SNCAIP: variants seen among roughly 807,000 people sequenced by gnomAD.
SNCAIP encodes synuclein alpha interacting protein, also known as synphilin-1.
In SNCAIP, 43 loss-of-function variants were observed where a neutral mutation model predicts 86.7. The ratio of observed to expected loss-of-function variants is 0.50; its 90% confidence interval spans 0.39 to 0.64. The LOEUF (loss-of-function observed/expected upper bound fraction) is 0.64, where lower values mean the gene tolerates loss of function less well. Ranked by LOEUF, SNCAIP falls within the 30% of genes least tolerant of loss-of-function variation. The pLI is 0.00. For missense variants in SNCAIP, 981 were observed against 1,103.1 expected, an observed-to-expected ratio of 0.89 and a Z score of 1.57; for synonymous variants, 417 against 427.2, an observed-to-expected ratio of 0.98 and a Z score of 0.29.
intron 2 of SNCAIP, 47 bp from the exon 3 acceptor site, chr5:122,403,746 G>T: frequency 1.4e-6 from 2 of 1,445,546 alleles, no homozygotes; most frequent in Non-Finnish European, 9.7e-7. Context: ...GTGAATGCTC[G>T]CATTTTAAAT....
At chr5:122,339,682 G>C (rs1201032616) in intron 1 of SNCAIP, among the ~76,000 whole-genome samples, 2 of 152,082 alleles carry the variant, frequency 1.3e-5, no homozygotes, top group African/African-American at 4.8e-5. Flanking sequence ...TGATATTCTT[G>C]ATATGCTTTT....
chr5:122,338,352 C>G (rs1756916177), intron 1 of SNCAIP, among the ~76,000 whole-genome samples: 1 of 152,206 alleles, frequency 6.6e-6, no homozygotes, highest in South Asian at 2.1e-4. Flanking sequence ...ACACTTTACA[C>G]TTGCATGTGT....
At position 122,330,009 on chromosome 5, in the gene SNCAIP, T is replaced by G. The variant is rs1434968333; in HGVS notation, c.-47+17725T>G. Among the ~76,000 whole-genome samples the G allele has an allele frequency of 2.6e-5, 4 of 152,240 alleles. No homozygotes were observed. The East Asian group carries it at 5.8e-4, about 22-fold the overall frequency. On this transcript the variant is annotated intron_variant, in intron 1 of 10. Transcript: ENST00000261368. ...GACCTCCAAAATGGAAATGCCTTCT[T>G]TGTTTTAAGGATTAAATGAAAAAAC...
At chr5:122,400,911 G>T (rs539998597) in intron 2 of SNCAIP, 2 of 1,392,222 alleles carry the variant, frequency 1.4e-6, no homozygotes, top group African/African-American at 1.5e-5. Context: ...TCTAGAAAAA[G>T]AATAAATTAT....
chr5:122,462,473 T>C (rs935833378), intron 10 of SNCAIP, among the ~76,000 whole-genome samples: 2 of 152,192 alleles, frequency 1.3e-5, no homozygotes, highest in African/African-American at 4.8e-5. Flanking sequence ...CTCGCACATC[T>C]TTTAGCCAAC....
intron 1 of SNCAIP, among the ~76,000 whole-genome samples, chr5:122,319,544 T>C (rs2152663694): frequency 6.6e-6 from 1 of 152,288 alleles, no homozygotes; most frequent in East Asian, 1.9e-4. Context: ...CTGAGAGTCT[T>C]AAGAGCATCA....
intron 3 of SNCAIP, among the ~76,000 whole-genome samples, chr5:122,422,437 A>C (rs918664715): frequency 6.6e-6 from 1 of 152,170 alleles, no homozygotes; most frequent in African/African-American, 2.4e-5. Context: ...CATGCACGCT[A>C]ATGTGTGTGC....
intron 8 of SNCAIP, among the ~76,000 whole-genome samples, chr5:122,446,089 G>A (rs1012191331): frequency 5.3e-5 from 8 of 152,088 alleles, no homozygotes; most frequent in African/African-American, 1.7e-4. Flanking sequence ...AGGTCTCAAC[G>A]TAATCACAGG....
At chr5:122,396,319 C>G (rs1405738492) in intron 2 of SNCAIP, among the ~76,000 whole-genome samples, 1 of 152,130 alleles carries the variant, frequency 6.6e-6, no homozygotes, top group Non-Finnish European at 1.5e-5. Context: ...GACCCCAGGA[C>G]TAGAATCTAG....
At chr5:122,405,654 G>A (rs1219527459) in intron 3 of SNCAIP, among the ~76,000 whole-genome samples, 1 of 152,136 alleles carries the variant, frequency 6.6e-6, no homozygotes, top group African/African-American at 2.4e-5. Flanking sequence ...CAGATAGTTT[G>A]ACTTACTGGT....
chr5:122,417,023 T>C (rs971570686), intron 3 of SNCAIP, among the ~76,000 whole-genome samples: 6 of 152,212 alleles, frequency 3.9e-5, no homozygotes, highest in Non-Finnish European at 8.8e-5. Flanking sequence ...TTATCCTAAA[T>C]CATACCGCTT....
chr5:122,329,225 A>T (rs1229927257), intron 1 of SNCAIP, among the ~76,000 whole-genome samples: 2 of 151,690 alleles, frequency 1.3e-5, no homozygotes, highest in Non-Finnish European at 2.9e-5. Flanking sequence ...CCTTTAAAGG[A>T]GAAGAAATCA....
intron 1 of SNCAIP, among the ~76,000 whole-genome samples, chr5:122,333,590 A>G (rs1580845578): frequency 6.6e-6 from 1 of 152,234 alleles, no homozygotes; most frequent in Non-Finnish European, 1.5e-5. Context: ...ACCGTATCTC[A>G]TTTACAGAAA....
intron 3 of SNCAIP, among the ~76,000 whole-genome samples, chr5:122,405,223 T>C (rs1772713349): frequency 6.6e-6 from 1 of 152,212 alleles, no homozygotes. Context: ...TGACCTTGAA[T>C]CTGTGACTAG....
At chr5:122,396,763 G>GCAGTGAGTCCTTGTATTTTGA (rs1459181942) in intron 2 of SNCAIP, among the ~76,000 whole-genome samples, 2 of 152,014 alleles carry the variant, frequency 1.3e-5, no homozygotes, top group African/African-American at 4.8e-5. Context: ...TCCATTCTTG[G>GCAGTGAGTCCTTGTATTTTGA]CAGTGAGTCC....
Position 122,451,280 on chromosome 5 carries a change from C to CTGGAAA in SNCAIP, c.2434_2435insGGAAAT (p.Asn811_Leu812insTrpLys). The stretch of plus-strand genomic sequence containing the variant: ...CTTCCAAGCGTAGGACATCTCAGAA[C>CTGGAAA]TTAAAACTGAGAGTTACCTTTGAGG... On this transcript the variant is annotated inframe_insertion, in exon 10 of 11. Coordinates refer to ENST00000261368, the MANE Select transcript of SNCAIP (RefSeq NM_005460.4). 1 of 1,614,118 alleles carries CTGGAAA rather than the reference C, an allele frequency of 6.2e-7. No individual in the cohort carries two copies. The highest frequency in any genetic ancestry group is 1.3e-5 in the African/African-American group (1 of 75,040).
chr5:122,430,977 C>T (rs1402336338), intron 5 of SNCAIP, among the ~76,000 whole-genome samples: 1 of 151,970 alleles, frequency 6.6e-6, no homozygotes, highest in South Asian at 2.1e-4. Context: ...TTTACCTCAT[C>T]CCTTAATGAA....
intron 3 of SNCAIP, among the ~76,000 whole-genome samples, chr5:122,416,540 C>T (rs2152910824): frequency 6.6e-6 from 1 of 152,308 alleles, no homozygotes; most frequent in African/African-American, 2.4e-5. Context: ...CACAATTCTC[C>T]AAATCCAGAG....
chr5:122,429,154 G>A (rs962470985), intron 5 of SNCAIP, among the ~76,000 whole-genome samples: 1 of 151,568 alleles, frequency 6.6e-6, no homozygotes, highest in Non-Finnish European at 1.5e-5. Context: ...ACACTTACAA[G>A]ATGCAACTAA....
Sources: allele counts gnomAD v4.1 joint callset (sites outside exome capture counted in the v4.1 genomes callset), GRCh38; gene constraint gnomAD v4.1.1; transcripts MANE v1.5; gene names NCBI Gene and HGNC (gene_info 2026-07-23, HGNC 2026-07-21).